MBP: variants seen among roughly 807,000 people sequenced by gnomAD.
The protein encoded by MBP is myelin basic protein, also known as Golli-MBP.
MBP carries 16 observed loss-of-function variants against 35.8 expected under a neutral mutation model. The ratio of observed to expected loss-of-function variants is 0.45; its 90% CI spans 0.30 to 0.68. MBP has a LOEUF of 0.68. Ranked by LOEUF, MBP falls within the 30% of genes least tolerant of loss-of-function variation. The pLI is 0.08. For synonymous variants in MBP, 143 were observed against 159.6 expected, an observed-to-expected ratio of 0.90 and a Z score of 0.78; for missense variants, 380 against 404.7, an observed-to-expected ratio of 0.94 and a Z score of 0.52.
At chr18:77,041,644 T>TGGAA (rs1973000058) in intron 3 of MBP, among the ~76,000 whole-genome samples, 1 of 151,962 alleles carries the variant, frequency 6.6e-6, no homozygotes, top group African/African-American at 2.4e-5. Context: ...TGGATGAAGC[T>TGGAA]GGAAACCATC....
chr18:77,025,019 C>T (rs1376995784), intron 3 of MBP, among the ~76,000 whole-genome samples: 1 of 152,170 alleles, frequency 6.6e-6, no homozygotes, highest in Non-Finnish European at 1.5e-5. Context: ...TTGGGAGGTG[C>T]ATGTGTGCAT....
chr18:77,132,370 T>A (rs1420455495), intron 1 of MBP, among the ~76,000 whole-genome samples: 1 of 152,102 alleles, frequency 6.6e-6, no homozygotes, highest in African/African-American at 2.4e-5. Flanking sequence ...CTCGGCCACC[T>A]GCTCCGCTGC....
intron 3 of MBP, among the ~76,000 whole-genome samples, chr18:77,054,408 C>A (rs185186109): frequency 2.0e-5 from 3 of 152,300 alleles, no homozygotes; most frequent in East Asian, 1.9e-4. Context: ...CAGGAGGCTG[C>A]GGGAGGGAGG....
intron 3 of MBP, among the ~76,000 whole-genome samples, chr18:77,041,437 C>G (rs1972985181): frequency 6.6e-6 from 1 of 152,102 alleles, no homozygotes; most frequent in Non-Finnish European, 1.5e-5. Flanking sequence ...GGTATATACC[C>G]AAAGGATTAT....
At chr18:77,029,388 G>C (rs574233997) in intron 3 of MBP, among the ~76,000 whole-genome samples, 1 of 136,776 alleles carries the variant, frequency 7.3e-6, no homozygotes, top group Non-Finnish European at 1.6e-5. Context: ...CTCGGCATCA[G>C]AGGGAGACCG....
At chr18:77,045,602 C>T (rs470970) in intron 3 of MBP, among the ~76,000 whole-genome samples, 115,523 of 152,240 alleles carry the variant, frequency 0.76, 44,656 homozygotes, top group Non-Finnish European at 0.84. Flanking sequence ...TGAAAACCCT[C>T]GAGGTTAGAT....
At chr18:77,016,256 T>G (rs1971625402) in intron 4 of MBP, 2 of 985,458 alleles carry the variant, frequency 2.0e-6, no homozygotes, top group African/African-American at 3.5e-5. Flanking sequence ...AATAAAGCTT[T>G]GATTCATAGA....
At chr18:77,059,035 G>C (rs1320103159) in intron 3 of MBP, among the ~76,000 whole-genome samples, 1 of 151,824 alleles carries the variant, frequency 6.6e-6, no homozygotes, top group Non-Finnish European at 1.5e-5. Flanking sequence ...ATTCAGCCAC[G>C]GGAAGGGCAG....
At position 77,028,956 on chromosome 18, in the gene MBP, A is replaced by ACG. The variant is rs1450697688; in HGVS notation, c.140-11689_140-11688insCG. On this transcript the variant is annotated intron_variant, in intron 3 of 8. Transcript: ENST00000355994. ...CTGGGCAGCCAGGCAGAGGGGCTCC[A>ACG]TCCCAGACAATGGGCGGCCAGGCAG... 5.2e-5 allele frequency among the ~76,000 whole-genome samples: 4 copies of ACG among 77,482 alleles called. 1 individual carries two copies. The highest frequency in any genetic ancestry group is 1.2e-4 in the Non-Finnish European group (4 of 32,138). The allele number at this position is 77,482 out of a possible 152,430, so 50.8% of individuals were successfully genotyped here.
At chr18:77,088,989 C>G (rs971244804) in intron 2 of MBP, among the ~76,000 whole-genome samples, 7 of 152,246 alleles carry the variant, frequency 4.6e-5, no homozygotes, top group Non-Finnish European at 1.0e-4. Context: ...GCCACCCACC[C>G]TCCTTGTCAC....
In MBP at chr18:77,044,464, G is replaced by C. The variant is rs1234785714; in HGVS notation, c.139+21834C>G. Among the ~76,000 whole-genome samples, 1 of 152,110 alleles carries C rather than the reference G, an allele frequency of 6.6e-6. No homozygotes were observed. Among genetic ancestry groups the C allele is most frequent in the Non-Finnish European group, 1.5e-5 (1 of 68,016 alleles). ...GGACTGCTGTCCTCCTTCCCAGCAT[G>C]AAGTTCTACTGCAAGGGCCACTCTC... On this transcript the variant is annotated intron_variant, in intron 3 of 8. Transcript: ENST00000355994. This position sits in a 1 kb window ranked among gnomAD's most constrained non-coding sequence, Gnocchi z 4.4.
At chr18:77,023,776 G>T (rs1030027165) in intron 3 of MBP, among the ~76,000 whole-genome samples, 2 of 152,162 alleles carry the variant, frequency 1.3e-5, no homozygotes, top group Non-Finnish European at 2.9e-5. Context: ...GCCCTGGGAG[G>T]CCCAGACACC....
At chr18:77,132,527 G>A (rs563019726) in intron 1 of MBP, 53 bp downstream of exon 1, 17 of 152,390 alleles carry the variant, frequency 1.1e-4, no homozygotes, top group African/African-American at 4.1e-4. Flanking sequence ...CACTCGGAGG[G>A]GCACAGAGAC....
chr18:76,988,194 C>T lies in MBP; in HGVS notation c.750+301G>A, dbSNP rs1969669977. Reference sequence around the variant, plus strand: ...AAACATTTTCTCGGACGTGGTGTTGCTCCCTCCCTGGGAGGGAGACCAGTC... The same window carrying T: ...AAACATTTTCTCGGACGTGGTGTTGTTCCCTCCCTGGGAGGGAGACCAGTC... On this transcript the variant is annotated intron_variant, in intron 7 of 8. Coordinates refer to ENST00000355994, the MANE Select transcript of MBP (RefSeq NM_001025101.2). This position sits in a 1 kb window ranked among gnomAD's most constrained non-coding sequence, Gnocchi z 5.2. The T allele has an allele frequency of 2.6e-6, 4 of 1,546,154 alleles. No homozygotes were observed. The highest frequency in any genetic ancestry group is 1.7e-4 in the Middle Eastern group (1 of 6,014).
intron 2 of MBP, among the ~76,000 whole-genome samples, chr18:77,097,829 A>G (rs1360196395): frequency 6.6e-6 from 1 of 152,218 alleles, no homozygotes; most frequent in African/African-American, 2.4e-5. Flanking sequence ...TGGAGCCGGT[A>G]TTAGGGGGAC....
intron 4 of MBP, chr18:77,014,570 A>C (rs991142810): frequency 2.0e-6 from 2 of 985,402 alleles, no homozygotes; most frequent in Non-Finnish European, 2.4e-6. Context: ...CAGAACAACA[A>C]ATAAAAATAA....
rs768048042 is a variant in MBP, at chr18:76,988,303, C to T, written c.750+192G>A. On this transcript the variant is annotated intron_variant, in intron 7 of 8. Transcript: ENST00000355994. The surrounding 1 kb of genome is among the most constrained non-coding windows in gnomAD (Gnocchi z 5.2). ...GCACAGAAGCAAGAGACCAGACCTTCCGGAAGGGAAGACCACGTTTCATTT... is the reference window on the plus strand; with the variant it reads ...GCACAGAAGCAAGAGACCAGACCTTTCGGAAGGGAAGACCACGTTTCATTT... 12 of 1,558,844 alleles carry T rather than the reference C, an allele frequency of 7.7e-6. No individual in the cohort carries two copies. The highest frequency in any genetic ancestry group is 1.0e-5 in the Non-Finnish European group (12 of 1,151,106).
In MBP at chr18:76,989,051, G is replaced by A. The variant is rs1450539417; in HGVS notation, c.682-139C>T. The stretch of plus-strand genomic sequence containing the variant: ...CCGGGTGCCCAGCCTCCCCACTTCT[G>A]TCCTAGTTGGTGAAGAAGTATAGAC... On this transcript the variant is annotated intron_variant, in intron 5 of 8. Coordinates refer to ENST00000355994, the MANE Select transcript of MBP (RefSeq NM_001025101.2). This position sits in a 1 kb window ranked among gnomAD's most constrained non-coding sequence, Gnocchi z 4.0. 1 of 786,426 alleles carries A rather than the reference G, an allele frequency of 1.3e-6. No individual in the cohort carries two copies. Among genetic ancestry groups the A allele is most frequent in the Non-Finnish European group, 2.3e-6 (1 of 428,372 alleles). 48.7% of individuals were successfully genotyped at this position (786,426 alleles called of 1,614,324 possible). A position where few individuals can be genotyped will look rare whatever the true frequency, so the allele number is the denominator to read the frequency against.
chr18:77,116,842 G>T (rs1241571829), intron 1 of MBP, among the ~76,000 whole-genome samples: 1 of 152,030 alleles, frequency 6.6e-6, no homozygotes, highest in Non-Finnish European at 1.5e-5. Flanking sequence ...ACTCCAGCCT[G>T]GGAGACAGAG....
Sources: gnomAD v4.1 joint callset for allele counts (sites outside exome capture counted in the v4.1 genomes callset) on GRCh38, gnomAD v4.1.1 for gene constraint, Gnocchi (gnomAD v3.1) non-coding constraint, MANE v1.5 for transcripts, NCBI Gene and HGNC (gene_info 2026-07-23, HGNC 2026-07-21) for gene names.